Variants in RYR1 observed in about 807,000 individuals in gnomAD.
RYR1 encodes the protein central core disease of muscle.
In RYR1, 342 loss-of-function variants were observed where a neutral mutation model predicts 583.5. The observed-to-expected ratio is 0.59, with a 90% CI of 0.54 to 0.64. The LOEUF (loss-of-function observed/expected upper bound fraction) is 0.64. Ranked by LOEUF, RYR1 falls within the 30% of genes least tolerant of loss-of-function variation. RYR1 has a pLI of 0.00. For missense variants in RYR1, 6,032 were observed against 6,917.2 expected (o/e 0.87, Z 4.54); for synonymous variants, 2,791 against 2,822.5 (o/e 0.99, Z 0.35).
intron 38 of RYR1, 57 bp downstream of exon 38, chr19:38,492,693 G>T (rs1326505388): frequency 7.8e-6 from 12 of 1,547,640 alleles, no homozygotes; most frequent in African/African-American, 1.4e-5. Flanking sequence ...CCCCATGCCT[G>T]CGGAGCCTCT....
At position 38,502,554 on chromosome 19, in the gene RYR1, G is replaced by C. The variant is rs1970176018; in HGVS notation, c.7662G>C (p.Leu2554=). 2 of 1,611,432 alleles carry C rather than the reference G, an allele frequency of 1.2e-6. No individual in the cohort carries two copies. Among genetic ancestry groups the C allele is most frequent in the Admixed American group, 3.3e-5 (2 of 59,962 alleles). Residue 2554 remains leucine (L), a synonymous_variant, in exon 48 of 106, where the codon CTG becomes CTC. Coordinates refer to ENST00000359596, the MANE Select transcript of RYR1 (RefSeq NM_000540.3). ...TGGCGCTGGCGCTGAACCGCTACCT[G>C]TGCCTGGCCGTGCTGCCGCTCATCA... ...TEMALALNRY[L]CLAVLPLITK...
rs1967894369 is a variant in RYR1, at chr19:38,463,415, G to A, written c.2578-8G>A. On this transcript the variant is annotated splice_polypyrimidine_tract_variant and splice_region_variant and intron_variant, in intron 20 of 105. Transcript: ENST00000359596. ...CTTGGGGTCTCAAGAACGTCCCTCT[G>A]CCTCTAGATTGTCCTGCCGCCCCAT... 8 of 1,612,960 alleles carry A rather than the reference G, an allele frequency of 5.0e-6. No homozygotes were observed. The highest frequency in any genetic ancestry group is 1.3e-5 in the African/African-American group (1 of 74,920).
chr19:38,464,282 A>G (rs1600705053), intron 22 of RYR1, among the ~76,000 whole-genome samples: 2 of 15,886 alleles, frequency 1.3e-4, no homozygotes, highest in African/African-American at 2.0e-4. Flanking sequence ...GTTTCAGAAA[A>G]AAAAAAAAAA....
At position 38,517,434 on chromosome 19, in the gene RYR1, G is replaced by A. The variant is rs1456917934; in HGVS notation, c.9761G>A (p.Gly3254Glu). The stretch of plus-strand genomic sequence containing the variant: ...CTGGAGCGGCTCATGGCAGACATTG[G>A]GGGGCTGGCCGAGTCAGGTGCCCGC... The part of the protein sequence containing the change: ...PVLERLMADI[G>E]GLAESGARYT... The change falls in exon 66 of 106, where the codon GGG (glycine) becomes GAG (glutamate). Residue 3254 changes from glycine (G) to glutamate (E), a missense_variant. Gly to Glu is a moderately conservative substitution (Grantham distance 98, BLOSUM62 -2). Coordinates refer to ENST00000359596, the MANE Select transcript of RYR1 (RefSeq NM_000540.3). The A allele has an allele frequency of 1.9e-6, 3 of 1,613,952 alleles. No homozygotes were observed. In the Admixed American group the frequency reaches 5.0e-5, roughly 27 times the overall value.
intron 76 of RYR1, among the ~76,000 whole-genome samples, chr19:38,529,575 T>G (rs992764353): frequency 6.6e-6 from 1 of 152,200 alleles, no homozygotes; most frequent in African/African-American, 2.4e-5. Flanking sequence ...AGGGCATGTC[T>G]GAGGGGTTCG....
At position 38,456,065 on chromosome 19, in the gene RYR1, G is replaced by A. The variant is rs1003393964; in HGVS notation, c.1791+314G>A. 1.3e-4 allele frequency among the ~76,000 whole-genome samples: 19 copies of A among 146,388 alleles called. No individual in the cohort carries two copies. The East Asian group carries it at 3.8e-3, about 29-fold the overall frequency. ...TGGCTCACTGCAACCTCTGCCTCCT[G>A]GGTTCAAGCGATTCTCCTGCCTCGG... On this transcript the variant is annotated intron_variant, in intron 16 of 105. Coordinates refer to ENST00000359596, the MANE Select transcript of RYR1 (RefSeq NM_000540.3).
intron 67 of RYR1, among the ~76,000 whole-genome samples, chr19:38,521,786 A>G (rs931760608): frequency 2.8e-4 from 41 of 145,390 alleles, no homozygotes; most frequent in Non-Finnish European, 7.5e-5. Context: ...TGCTCACTGC[A>G]AGCTCCACCT....
chr19:38,516,982 C>G (rs750197211), intron 65 of RYR1, among the ~76,000 whole-genome samples: 4 of 151,978 alleles, frequency 2.6e-5, no homozygotes, highest in Non-Finnish European at 5.9e-5. Context: ...AGGGACTGAA[C>G]CGGGTGTGGG....
At chr19:38,478,715 G>A in intron 31 of RYR1, 115 bp downstream of exon 31, 1 of 1,261,194 alleles carries the variant, frequency 7.9e-7, no homozygotes, top group Non-Finnish European at 1.1e-6. Flanking sequence ...CAGCTCCTAG[G>A]CTGTCCTCAA....
At chr19:38,528,751 AGGCCACCCTT>A (rs997025304) in intron 75 of RYR1, 56 bp downstream of exon 75, 180 of 1,580,212 alleles carry the variant, frequency 1.1e-4, no homozygotes, top group Non-Finnish European at 1.4e-4. Context: ...GCTGGGGCGG[AGGCCACCCTT>A]GGCACACCTC....
At chr19:38,498,814 C>G (rs1298089275) in intron 42 of RYR1, among the ~76,000 whole-genome samples, 1 of 152,180 alleles carries the variant, frequency 6.6e-6, no homozygotes, top group African/African-American at 2.4e-5. Flanking sequence ...TTACTGCAGC[C>G]TATTTTATCA....
Position 38,475,343 on chromosome 19 carries a change from G to A in RYR1, c.4186G>A (p.Ala1396Thr), listed in dbSNP as rs772111760. 18 of 1,604,418 alleles carry A rather than the reference G, an allele frequency of 1.1e-5. No individual in the cohort carries two copies. Among genetic ancestry groups the A allele is most frequent in the South Asian group, 7.8e-5 (7 of 89,624 alleles). The change falls in exon 29 of 106, where the codon GCC (alanine) becomes ACC (threonine). Residue 1396 changes from alanine (A) to threonine (T), a missense_variant. Ala to Thr is a moderately conservative substitution (Grantham distance 58). Coordinates refer to ENST00000359596, the MANE Select transcript of RYR1 (RefSeq NM_000540.3). ...CTTCTTATTCAAGGCCAAGAAGGTC[G>A]CCATGATGACCCAGCCACCGGCCAC... ...RGFLFKAKKV[A>T]MMTQPPATPT...
rs757284447 is a variant in RYR1, at chr19:38,457,587, C to G, written c.1882C>G (p.Arg628Gly). The G allele has an allele frequency of 6.2e-7, 1 of 1,614,038 alleles. No homozygotes were observed. The highest frequency in any genetic ancestry group is 2.2e-5 in the East Asian group (1 of 44,906). ...DLITENLLPG[R>G]ELLLQTNLIN... The stretch of plus-strand genomic sequence containing the variant: ...TATTACTGAGAACTTGCTGCCTGGC[C>G]GTGAGCTTCTGCTGCAGACAAACCT... Residue 628 changes from arginine (R) to glycine (G), a missense_variant, in exon 17 of 106, where the codon CGT (arginine) becomes GGT (glycine). Arg to Gly is a moderately radical substitution (Grantham distance 125). Around this residue, in one of 11 missense-constraint regions of RYR1, gnomAD observed 2,627 missense variants for 2,961.3 expected, o/e 0.89. Coordinates refer to ENST00000359596, the MANE Select transcript of RYR1 (RefSeq NM_000540.3).
rs1167608785 is a variant in RYR1 at position 38,567,934 on chromosome 19, GTCA to G, written c.13659+18_13659+20del. Reference sequence around the variant, plus strand: ...AAGTTCCTGGTAAGGATCCAGCCAGGTCACCTGAACCTTCTTCTCCCCGGGAGC... The same window carrying G: ...AAGTTCCTGGTAAGGATCCAGCCAGGCCTGAACCTTCTTCTCCCCGGGAGC... On this transcript the variant is annotated intron_variant, in intron 93 of 105. Transcript: ENST00000359596. 1 of 1,612,628 alleles carries G rather than the reference GTCA, an allele frequency of 6.2e-7. No individual in the cohort carries two copies.
intron 2 of RYR1, among the ~76,000 whole-genome samples, chr19:38,441,288 G>A (rs1032311841): frequency 8.6e-5 from 13 of 150,992 alleles, no homozygotes; most frequent in Non-Finnish European, 1.5e-4. Flanking sequence ...AGGGAGGGAC[G>A]AGGCAAAGGA....
At position 38,455,556 on chromosome 19, in the gene RYR1, C is replaced by G. The variant is rs751878748; in HGVS notation, c.1672+10C>G. On this transcript the variant is annotated intron_variant, in intron 15 of 105. Coordinates refer to ENST00000359596, the MANE Select transcript of RYR1 (RefSeq NM_000540.3). ...CTGGAGGCCTCGTCTGGTAGGAGAACCCGGGGGAGTGGGACAGAGGCTTGT... is the reference window on the plus strand; with the variant it reads ...CTGGAGGCCTCGTCTGGTAGGAGAAGCCGGGGGAGTGGGACAGAGGCTTGT... The G allele has an allele frequency of 1.9e-6, 3 of 1,613,750 alleles. No homozygotes were observed. Among genetic ancestry groups the G allele is most frequent in the East Asian group, 2.2e-5 (1 of 44,888 alleles).
chr19:38,523,503 TC>T, intron 69 of RYR1, 194 bp downstream of exon 69: 1 of 642,864 alleles, frequency 1.6e-6, no homozygotes, highest in Non-Finnish European at 2.8e-6. Flanking sequence ...TTCTCCCTCC[TC>T]CCATCTCCCT....
rs371199096 is a variant in RYR1, at chr19:38,580,524, C to T, written c.14646+20C>T. The T allele has an allele frequency of 1.2e-6, 2 of 1,613,784 alleles. No individual in the cohort carries two copies. Among genetic ancestry groups the T allele is most frequent in the African/African-American group, 2.7e-5 (2 of 74,902 alleles). ...ATGACGGTGAGCCCCTCCCCTAGCA[C>T]TCTGGGACCCTTCCTTCTCGCATCT... On this transcript the variant is annotated intron_variant, in intron 101 of 105. Transcript: ENST00000359596.
intron 77 of RYR1, 65 bp downstream of exon 77, chr19:38,532,606 A>G (rs970253318): frequency 7.4e-6 from 12 of 1,613,848 alleles, no homozygotes; most frequent in Non-Finnish European, 9.3e-6. Context: ...CTTGTCCACA[A>G]AAAGGGCTGG....
Sources: allele counts gnomAD v4.1 joint callset (sites outside exome capture counted in the v4.1 genomes callset), GRCh38; gene constraint gnomAD v4.1.1; regional missense constraint gnomAD v4.1.1; transcripts MANE v1.5; gene names NCBI Gene and HGNC (gene_info 2026-07-23, HGNC 2026-07-21).